Variants in CACNA2D2 observed in about 807,000 individuals in gnomAD.
The protein encoded by CACNA2D2 is calcium voltage-gated channel auxiliary subunit alpha2delta 2.
CACNA2D2 carries 48 observed loss-of-function variants against 166.4 expected under a neutral mutation model. The observed-to-expected ratio is 0.29, with a 90% CI of 0.23 to 0.37. The LOEUF is 0.37. Among genes scored for constraint, CACNA2D2 ranks in the 10% least tolerant of loss-of-function variants. CACNA2D2 has a pLI of 1.00. For missense variants in CACNA2D2, 1,122 were observed against 1,433.0 expected (o/e 0.78, Z 3.50); for synonymous variants, 561 against 573.7 (o/e 0.98, Z 0.32).
chr3:50,378,296 G>A lies in CACNA2D2; in HGVS notation c.1377C>T (p.Arg459=), dbSNP rs1032435949. ...YFEIPSIGAI[R]INTQEYLDVL... The stretch of plus-strand genomic sequence containing the variant: ...CCCCAAGTCTCACCTGTGTGTTGAT[G>A]CGGATGGCTCCGATGGAAGGGATCT... The change falls in exon 14 of 38, where the codon CGC becomes CGT. Residue 459 remains arginine, a synonymous_variant. Coordinates refer to ENST00000424201, the MANE Select transcript of CACNA2D2 (RefSeq NM_006030.4). The A allele has an allele frequency of 7.1e-6, 11 of 1,553,042 alleles. No individual in the cohort carries two copies. The African/African-American group carries it at 1.4e-4, about 19-fold the overall frequency.
At chr3:50,390,213 G>C (rs2106713984) in intron 4 of CACNA2D2, among the ~76,000 whole-genome samples, 1 of 152,320 alleles carries the variant, frequency 6.6e-6, no homozygotes, top group Non-Finnish European at 1.5e-5. Flanking sequence ...GGCAGTGAGT[G>C]AAGACTGAGG....
At chr3:50,460,026 C>T (rs1344551005) in intron 2 of CACNA2D2, among the ~76,000 whole-genome samples, 1 of 152,130 alleles carries the variant, frequency 6.6e-6, no homozygotes, top group Admixed American at 6.5e-5. Context: ...TCGCCTGATC[C>T]GGAGTCAACC....
rs1300532494 is a variant in CACNA2D2 at position 50,379,981 on chromosome 3, T to A, written c.880A>T (p.Ile294Phe). 2 of 1,614,100 alleles carry A rather than the reference T, an allele frequency of 1.2e-6. No individual in the cohort carries two copies. The highest frequency in any genetic ancestry group is 1.7e-6 in the Non-Finnish European group (2 of 1,180,032). ...QGASSPKDMVIIVDVSGSVSG... is the reference protein window; with the variant it reads ...QGASSPKDMVFIVDVSGSVSG... The stretch of plus-strand genomic sequence containing the variant: ...CTGCTCACTCACACATCCACGATGA[T>A]GACCATGTCTTTGGGTGACGAGGCC... Residue 294 changes from isoleucine to phenylalanine, a missense_variant, in exon 9 of 38, where the codon ATC becomes TTC. By Grantham distance (21) the Ile-to-Phe change is conservative (BLOSUM62 0). Around this residue, in one of 2 missense-constraint regions of CACNA2D2, gnomAD observed 840 missense variants for 1,166.8 expected, o/e 0.72. Coordinates refer to ENST00000424201, the MANE Select transcript of CACNA2D2 (RefSeq NM_006030.4). The surrounding 1 kb of genome is among the most constrained non-coding windows in gnomAD (Gnocchi z 6.5).
chr3:50,467,791 A>G (rs1192658212), intron 2 of CACNA2D2, among the ~76,000 whole-genome samples: 1 of 152,180 alleles, frequency 6.6e-6, no homozygotes, highest in East Asian at 1.9e-4. Flanking sequence ...GTCAGGTCCC[A>G]AGGCTGGGAG....
At chr3:50,465,388 G>A (rs539466408) in intron 2 of CACNA2D2, among the ~76,000 whole-genome samples, 4 of 152,318 alleles carry the variant, frequency 2.6e-5, no homozygotes, top group East Asian at 1.9e-4. Flanking sequence ...CTGATCAAGA[G>A]GCAAGTGGCT....
intron 2 of CACNA2D2, among the ~76,000 whole-genome samples, chr3:50,463,972 C>T (rs528277146): frequency 1.4e-4 from 21 of 152,360 alleles, no homozygotes; most frequent in Admixed American, 4.6e-4. Flanking sequence ...TGAATCCAGA[C>T]GCCCTGGGTG....
rs1399868397 is a variant in CACNA2D2 at position 50,399,195 on chromosome 3, G to A, written c.406-5027C>T. On this transcript the variant is annotated intron_variant, in intron 3 of 37. Coordinates refer to ENST00000424201, the MANE Select transcript of CACNA2D2 (RefSeq NM_006030.4). ...GCTAGGTGCTCCACACTTCTCCTTG[G>A]CCTCCTCTCCTCACCAGCCCTCACC... is the stretch of plus-strand genomic sequence containing the variant. Among the ~76,000 whole-genome samples the A allele has an allele frequency of 2.0e-5, 3 of 152,264 alleles. No individual in the cohort carries two copies. In the East Asian group the frequency reaches 5.8e-4, roughly 29 times the overall value.
chr3:50,454,104 G>C (rs926558838), intron 2 of CACNA2D2, among the ~76,000 whole-genome samples: 17 of 152,362 alleles, frequency 1.1e-4, no homozygotes, highest in Admixed American at 9.1e-4. Flanking sequence ...GCCAATCAGA[G>C]GCAATCAAGC....
chr3:50,427,809 A>T lies in CACNA2D2; in HGVS notation c.405+6504T>A, dbSNP rs9858351. Among the ~76,000 whole-genome samples, 466 of 152,306 alleles carry T rather than the reference A, an allele frequency of 3.1e-3. 3 individuals are homozygous for T. The highest frequency in any genetic ancestry group is 0.011 in the African/African-American group (447 of 41,568). ...GTTTGCAGAACTCGTGTTCTGTTCC[A>T]GGCCAGGCCTTGGCAGTAGGCGACA... On this transcript the variant is annotated intron_variant, in intron 3 of 37. Transcript: ENST00000424201. This position sits in a 1 kb window ranked among gnomAD's most constrained non-coding sequence, Gnocchi z 4.7.
rs587734616 is a variant in CACNA2D2, at chr3:50,381,743, C to A, written c.653-617G>T. ...CACGCATGCGCACACTGCACACCCC[C>A]CAACAGGTATACCTGTGTCTAACCT... On this transcript the variant is annotated intron_variant, in intron 6 of 37. Transcript: ENST00000424201. 1.2e-4 allele frequency among the ~76,000 whole-genome samples: 18 copies of A among 152,150 alleles called. No homozygotes were observed. In the South Asian group the frequency reaches 3.7e-3, roughly 32 times the overall value.
chr3:50,384,578 C>G (rs1039516256), intron 5 of CACNA2D2, among the ~76,000 whole-genome samples: 1 of 152,180 alleles, frequency 6.6e-6, no homozygotes, highest in African/African-American at 2.4e-5. Context: ...CCATCATCCC[C>G]ACATTTGCTA....
chr3:50,391,988 C>T (rs1486331525), intron 4 of CACNA2D2, among the ~76,000 whole-genome samples: 2 of 152,174 alleles, frequency 1.3e-5, no homozygotes, highest in African/African-American at 4.8e-5. Context: ...GAGAGAGAGG[C>T]TTTGCACTGA....
intron 1 of CACNA2D2, among the ~76,000 whole-genome samples, chr3:50,497,971 G>C (rs1210885833): frequency 6.6e-6 from 1 of 152,204 alleles, no homozygotes; most frequent in African/African-American, 2.4e-5. Flanking sequence ...TTCCCAGTTG[G>C]CTGGAGGGCT....
At chr3:50,388,024 T>C (rs934621357) in intron 4 of CACNA2D2, among the ~76,000 whole-genome samples, 3 of 152,202 alleles carry the variant, frequency 2.0e-5, no homozygotes, top group Non-Finnish European at 4.4e-5. Context: ...ATTTCTTCTA[T>C]TAAAAAGCCT....
intron 5 of CACNA2D2, 110 bp from the exon 6 acceptor site, chr3:50,384,447 C>T: frequency 1.6e-6 from 2 of 1,255,236 alleles, no homozygotes; most frequent in East Asian, 2.3e-5. Context: ...ATAGGGGCAT[C>T]TCAAAAAGAG....
At chr3:50,432,389 G>A (rs574712586) in intron 3 of CACNA2D2, among the ~76,000 whole-genome samples, 8 of 152,302 alleles carry the variant, frequency 5.3e-5, no homozygotes, top group South Asian at 2.1e-4. Flanking sequence ...GTCCCTTCCC[G>A]CATTTATCAG....
At chr3:50,491,767 C>T (rs1170741997) in intron 1 of CACNA2D2, among the ~76,000 whole-genome samples, 1 of 152,218 alleles carries the variant, frequency 6.6e-6, no homozygotes, top group South Asian at 2.1e-4. Flanking sequence ...CTTCCTTTCC[C>T]TGACCCTTGG....
intron 3 of CACNA2D2, among the ~76,000 whole-genome samples, chr3:50,398,893 G>A (rs1027744134): frequency 5.3e-5 from 8 of 152,208 alleles, no homozygotes; most frequent in African/African-American, 1.7e-4. Flanking sequence ...AGGAGGACTC[G>A]TCGTGCACTG....
chr3:50,474,066 CAAGAGGGGAA>C (rs1710208752), intron 2 of CACNA2D2, among the ~76,000 whole-genome samples: 3 of 152,186 alleles, frequency 2.0e-5, no homozygotes, highest in Admixed American at 1.3e-4. Flanking sequence ...TCCACCCTAC[CAAGAGGGGAA>C]GTGGAGCCAC....
Sources: gnomAD v4.1 joint callset for allele counts (sites outside exome capture counted in the v4.1 genomes callset) on GRCh38, gnomAD v4.1.1 for gene constraint, gnomAD v4.1.1 regional missense constraint, Gnocchi (gnomAD v3.1) non-coding constraint, MANE v1.5 for transcripts, NCBI Gene and HGNC (gene_info 2026-07-23, HGNC 2026-07-21) for gene names.